PLEKHA5: variants seen among roughly 807,000 people sequenced by gnomAD.
The protein encoded by PLEKHA5 is pleckstrin homology domain containing A5.
Under a neutral mutation model 181.9 loss-of-function variants are expected in PLEKHA5, and 55 were observed. That is an observed-to-expected ratio of 0.30 (90% CI 0.24 to 0.38). The LOEUF is 0.38. Ranked by LOEUF, PLEKHA5 falls within the 10% of genes least tolerant of loss-of-function variation. The probability of loss-of-function intolerance (pLI) is 1.00; values close to 1 mark genes in which losing one functional copy is unlikely to be tolerated. For synonymous variants in PLEKHA5, 535 were observed against 529.4 expected (o/e 1.01, Z -0.15); for missense variants, 1,432 against 1,549.5 (o/e 0.92, Z 1.27).
At chr12:19,205,924 CAT>C (rs2055363556) in intron 3 of PLEKHA5, among the ~76,000 whole-genome samples, 1 of 151,946 alleles carries the variant, frequency 6.6e-6, no homozygotes, top group Admixed American at 6.6e-5. Flanking sequence ...AATATGTACA[CAT>C]ATTATTAAAA....
intron 16 of PLEKHA5, among the ~76,000 whole-genome samples, chr12:19,317,585 C>G (rs184707771): frequency 1.3e-5 from 2 of 151,932 alleles, no homozygotes; most frequent in Admixed American, 6.6e-5. Flanking sequence ...CCCCAAAACT[C>G]CTTTTTGGAG....
At chr12:19,158,723 T>G (rs76923902) in intron 3 of PLEKHA5, among the ~76,000 whole-genome samples, 171 of 152,264 alleles carry the variant, frequency 1.1e-3, no homozygotes, top group African/African-American at 3.9e-3. Context: ...GAAGTTTGTG[T>G]AGTTTTGAAG....
intron 25 of PLEKHA5, among the ~76,000 whole-genome samples, chr12:19,353,449 G>A (rs1307895718): frequency 1.3e-5 from 2 of 151,948 alleles, no homozygotes; most frequent in Non-Finnish European, 2.9e-5. Flanking sequence ...GAGTCACCAC[G>A]CCCAGCCTGA....
At chr12:19,306,348 T>G in intron 15 of PLEKHA5, 1 of 442,400 alleles carries the variant, frequency 2.3e-6, no homozygotes, top group South Asian at 1.8e-5. Flanking sequence ...CCGTTTGTTT[T>G]CTCGTGCTCT....
intron 13 of PLEKHA5, among the ~76,000 whole-genome samples, chr12:19,287,887 T>G (rs2152827655): frequency 6.6e-6 from 1 of 152,216 alleles, no homozygotes; most frequent in South Asian, 2.1e-4. Context: ...AAGACCAGCC[T>G]GGCCAACATG....
chr12:19,246,238 A>G (rs568619583), intron 3 of PLEKHA5, among the ~76,000 whole-genome samples: 1 of 151,862 alleles, frequency 6.6e-6, no homozygotes, highest in South Asian at 2.1e-4. Context: ...TTGGCCTCCC[A>G]AAGTGCTGGG....
intron 13 of PLEKHA5, among the ~76,000 whole-genome samples, chr12:19,288,699 A>G (rs1175530282): frequency 6.6e-6 from 1 of 152,210 alleles, no homozygotes; most frequent in African/African-American, 2.4e-5. Context: ...TTATTTGATT[A>G]AGACTAAGGA....
In PLEKHA5 at chr12:19,343,451, T is replaced by G; in HGVS notation, c.2662+17T>G. ...CAGAAATAGGTAAATTAGCTTTGCA[T>G]TTTATTTTGTGACTGACCACAGTAT... On this transcript the variant is annotated intron_variant, in intron 22 of 31. Transcript: ENST00000429027. 7.1e-7 allele frequency: 1 copy of G among 1,406,918 alleles called. No homozygotes were observed. The highest frequency in any genetic ancestry group is 1.2e-5 in the South Asian group (1 of 86,386). The allele number at this position is 1,406,918 out of a possible 1,614,324, so 87.2% of individuals were successfully genotyped here.
intron 22 of PLEKHA5, among the ~76,000 whole-genome samples, chr12:19,344,976 G>T (rs544643649): frequency 6.6e-6 from 1 of 151,402 alleles, no homozygotes; most frequent in Admixed American, 6.6e-5. Flanking sequence ...ACAAAAATTG[G>T]CCAGGTGTGG....
At chr12:19,333,610 C>CTTTTT (rs372554935) in intron 20 of PLEKHA5, among the ~76,000 whole-genome samples, 1 of 129,072 alleles carries the variant, frequency 7.7e-6, no homozygotes, top group East Asian at 2.4e-4. Context: ...CATTCATTCT[C>CTTTTT]TTTTTTTTTT....
intron 15 of PLEKHA5, among the ~76,000 whole-genome samples, chr12:19,309,991 TAAAAA>T (rs772728650): frequency 1.1e-4 from 16 of 152,140 alleles, no homozygotes; most frequent in Admixed American, 2.0e-4. Flanking sequence ...CCCTTTAACT[TAAAAA>T]GAAAAGAAAA....
intron 3 of PLEKHA5, 61 bp downstream of exon 3, chr12:19,132,511 C>G: frequency 1.2e-6 from 1 of 827,302 alleles, no homozygotes; most frequent in South Asian, 1.4e-5. Flanking sequence ...TACTCCTCAG[C>G]TGAATAGTTG....
At chr12:19,163,846 C>T (rs1289014786) in intron 3 of PLEKHA5, among the ~76,000 whole-genome samples, 1 of 152,162 alleles carries the variant, frequency 6.6e-6, no homozygotes, top group Non-Finnish European at 1.5e-5. Flanking sequence ...GTTACACAAC[C>T]ACACCCTTCT....
rs1277698232 is a variant in PLEKHA5 at position 19,143,364 on chromosome 12, T to C, written c.227+10914T>C. Among the ~76,000 whole-genome samples the C allele has an allele frequency of 2.0e-5, 3 of 152,244 alleles. No homozygotes were observed. The East Asian group carries it at 5.8e-4, about 29-fold the overall frequency. On this transcript the variant is annotated intron_variant, in intron 3 of 31. Coordinates refer to ENST00000429027, the MANE Select transcript of PLEKHA5 (RefSeq NM_001256470.2). ...AAATCAAATAATAAAAGTGTACGTTTAGTGTATATGCTTCTTTTTAACCTG... is the reference window on the plus strand; with the variant it reads ...AAATCAAATAATAAAAGTGTACGTTCAGTGTATATGCTTCTTTTTAACCTG...
At chr12:19,326,452 C>T (rs1398988807) in intron 20 of PLEKHA5, among the ~76,000 whole-genome samples, 1 of 152,202 alleles carries the variant, frequency 6.6e-6, no homozygotes, top group East Asian at 1.9e-4. Context: ...ATAACATTAG[C>T]ACCTCTGTAG....
chr12:19,338,362 G>A lies in PLEKHA5; in HGVS notation c.2550+1746G>A, dbSNP rs147716919. Reference sequence around the variant, plus strand: ...CGGCTGGACACATTGGCTCATGCCTGTAATCCCAGCACTTTGGGAGGCCGT... The same window carrying A: ...CGGCTGGACACATTGGCTCATGCCTATAATCCCAGCACTTTGGGAGGCCGT... On this transcript the variant is annotated intron_variant, in intron 21 of 31. Transcript: ENST00000429027. Among the ~76,000 whole-genome samples, 985 of 152,078 alleles carry A rather than the reference G, an allele frequency of 6.5e-3. 8 individuals are homozygous for A. Among genetic ancestry groups the A allele is most frequent in the African/African-American group, 0.022 (932 of 41,538 alleles).
intron 10 of PLEKHA5, among the ~76,000 whole-genome samples, chr12:19,273,822 C>T (rs532163486): frequency 6.6e-6 from 1 of 152,262 alleles, no homozygotes; most frequent in Admixed American, 6.5e-5. Context: ...CTGTGCCAGC[C>T]ACTCATTAAC....
At chr12:19,357,736 A>G (rs111915371) in intron 26 of PLEKHA5, among the ~76,000 whole-genome samples, 187 of 152,094 alleles carry the variant, frequency 1.2e-3, no homozygotes, top group African/African-American at 4.3e-3. Flanking sequence ...CCTGGGCTCA[A>G]ACCATCCTCC....
chr12:19,267,163 C>T (rs1265137183), intron 8 of PLEKHA5, among the ~76,000 whole-genome samples: 1 of 152,042 alleles, frequency 6.6e-6, no homozygotes, highest in Non-Finnish European at 1.5e-5. Flanking sequence ...TCAGAGGTCA[C>T]CTAGTTTTTC....
Sources: allele counts gnomAD v4.1 joint callset (sites outside exome capture counted in the v4.1 genomes callset), GRCh38; gene constraint gnomAD v4.1.1; transcripts MANE v1.5; gene names NCBI Gene and HGNC (gene_info 2026-07-23, HGNC 2026-07-21).